The following WWOX variants were observed in gnomAD, a reference collection of about 807,000 sequenced individuals.
WWOX encodes the protein WW domain-containing oxidoreductase.
In WWOX, 69 loss-of-function variants were observed where a neutral mutation model predicts 46.2. That is an observed-to-expected ratio of 1.49 (90% CI 1.23 to 1.82). The LOEUF (loss-of-function observed/expected upper bound fraction) is 1.82. Ranked by LOEUF, WWOX falls within the 40% of genes most tolerant of loss-of-function variation. The probability of loss-of-function intolerance (pLI) is 0.00; values close to 1 mark genes in which losing one functional copy is unlikely to be tolerated. For synonymous variants in WWOX, 359 were observed against 202.6 expected (o/e 1.77, Z -6.56); for missense variants, 919 against 542.6 (o/e 1.69, Z -6.89).
At chr16:78,633,688 T>C (rs1412786420) in intron 8 of WWOX, among the ~76,000 whole-genome samples, 1 of 152,108 alleles carries the variant, frequency 6.6e-6, no homozygotes, top group Non-Finnish European at 1.5e-5. Flanking sequence ...CTGCGTGCTT[T>C]TATGCTTCGC....
At chr16:78,117,971 A>G (rs191618659) in intron 4 of WWOX, among the ~76,000 whole-genome samples, 10 of 151,794 alleles carry the variant, frequency 6.6e-5, no homozygotes, top group African/African-American at 1.9e-4. Context: ...AAAAACATAG[A>G]TATCTAATTT....
chr16:79,123,245 G>A (rs2049677190), intron 8 of WWOX, among the ~76,000 whole-genome samples: 1 of 152,156 alleles, frequency 6.6e-6, no homozygotes, highest in South Asian at 2.1e-4. Flanking sequence ...GCCTGACTCT[G>A]TCCTCGGTGG....
intron 5 of WWOX, among the ~76,000 whole-genome samples, chr16:78,199,294 C>A (rs2036155685): frequency 6.7e-6 from 1 of 150,306 alleles, no homozygotes; most frequent in Non-Finnish European, 1.5e-5. Context: ...GCCTGGGTGA[C>A]AGAGCGAGAC....
intron 5 of WWOX, among the ~76,000 whole-genome samples, chr16:78,373,082 C>T (rs1391510911): frequency 6.6e-6 from 1 of 152,158 alleles, no homozygotes; most frequent in East Asian, 1.9e-4. Context: ...TCTGCTTGCA[C>T]ACTGGACAAT....
At chr16:78,233,197 C>G (rs951352606) in intron 5 of WWOX, among the ~76,000 whole-genome samples, 2 of 152,184 alleles carry the variant, frequency 1.3e-5, no homozygotes, top group African/African-American at 4.8e-5. Context: ...GAAAAGATTA[C>G]TGACGATCAA....
At chr16:78,628,554 C>T (rs943509712) in intron 8 of WWOX, among the ~76,000 whole-genome samples, 6 of 152,040 alleles carry the variant, frequency 3.9e-5, no homozygotes, top group African/African-American at 1.4e-4. Context: ...TTTTTGTATG[C>T]CTCCCCATGC....
intron 5 of WWOX, among the ~76,000 whole-genome samples, chr16:78,258,611 G>T (rs1597410973): frequency 7.0e-6 from 1 of 143,710 alleles, no homozygotes; most frequent in Non-Finnish European, 1.5e-5. Context: ...ATGCAGCCCA[G>T]TTGTTTTTAT....
chr16:79,141,562 T>C (rs2050089251), intron 8 of WWOX, among the ~76,000 whole-genome samples: 1 of 152,254 alleles, frequency 6.6e-6, no homozygotes, highest in Admixed American at 6.5e-5. Flanking sequence ...ACCAGCTCTT[T>C]GGCTTTGTAG....
chr16:78,732,947 C>A (rs970929843), intron 8 of WWOX, among the ~76,000 whole-genome samples: 3 of 152,206 alleles, frequency 2.0e-5, no homozygotes, highest in Admixed American at 1.3e-4. Flanking sequence ...CACAGCATTA[C>A]TGAGCTCGAG....
chr16:78,716,039 T>C (rs1307050847), intron 8 of WWOX, among the ~76,000 whole-genome samples: 1 of 151,484 alleles, frequency 6.6e-6, no homozygotes, highest in Non-Finnish European at 1.5e-5. Flanking sequence ...ATAATCATTA[T>C]CATCAAGAGG....
chr16:79,044,646 C>G (rs1168050822), intron 8 of WWOX, among the ~76,000 whole-genome samples: 2 of 152,206 alleles, frequency 1.3e-5, no homozygotes, highest in Non-Finnish European at 2.9e-5. Flanking sequence ...AATTAAACCT[C>G]TTTTCTTTAT....
chr16:78,563,272 T>G (rs949208081), intron 8 of WWOX, among the ~76,000 whole-genome samples: 1 of 152,226 alleles, frequency 6.6e-6, no homozygotes, highest in Non-Finnish European at 1.5e-5. Flanking sequence ...TTCCTGTGTA[T>G]GGGGTAAGTG....
At chr16:78,921,961 G>A (rs763922488) in intron 8 of WWOX, among the ~76,000 whole-genome samples, 3 of 152,192 alleles carry the variant, frequency 2.0e-5, no homozygotes, top group Non-Finnish European at 4.4e-5. Context: ...GACAAATGGG[G>A]CAAAGTCCAA....
At chr16:78,178,543 A>G (rs1436898623) in intron 5 of WWOX, among the ~76,000 whole-genome samples, 1 of 152,168 alleles carries the variant, frequency 6.6e-6, no homozygotes, top group Non-Finnish European at 1.5e-5. Context: ...ACATCCTTTC[A>G]TACCCGGAAT....
chr16:79,081,230 C>G (rs929991376), intron 8 of WWOX, among the ~76,000 whole-genome samples: 3 of 152,148 alleles, frequency 2.0e-5, no homozygotes, highest in African/African-American at 2.4e-5. Flanking sequence ...GTGGCAGCAT[C>G]TTGGCTCACT....
intron 5 of WWOX, among the ~76,000 whole-genome samples, chr16:78,347,393 G>T (rs2081112188): frequency 8.5e-6 from 1 of 117,576 alleles, no homozygotes; most frequent in African/African-American, 2.9e-5. Context: ...CCATGGTGTT[G>T]GTCCCAGGTT....
Position 78,982,894 on chromosome 16 carries a change from T to G in WWOX, c.1057-228714T>G, listed in dbSNP as rs549707850. Among the ~76,000 whole-genome samples the G allele has an allele frequency of 1.2e-4, 18 of 152,334 alleles. No homozygotes were observed. In the South Asian group the frequency reaches 3.5e-3, roughly 30 times the overall value. ...TCATCAAATTTTGATTTCTGTGTGGTGATGTTGTGAACAGTGCCTGAAATA... is the reference window on the plus strand; with the variant it reads ...TCATCAAATTTTGATTTCTGTGTGGGGATGTTGTGAACAGTGCCTGAAATA... On this transcript the variant is annotated intron_variant, in intron 8 of 8. Coordinates refer to ENST00000566780, the MANE Select transcript of WWOX (RefSeq NM_016373.4).
chr16:78,883,275 C>T (rs59034417), intron 8 of WWOX, among the ~76,000 whole-genome samples: 6 of 152,078 alleles, frequency 3.9e-5, no homozygotes, highest in African/African-American at 1.4e-4. Flanking sequence ...GACCCTCTCT[C>T]TCATCAGTAA....
At chr16:79,025,683 C>G (rs1239410308) in intron 8 of WWOX, among the ~76,000 whole-genome samples, 3 of 152,120 alleles carry the variant, frequency 2.0e-5, no homozygotes, top group East Asian at 1.9e-4. Context: ...TTGTTTTAAG[C>G]TACCACACAG....
Sources: gnomAD v4.1 joint callset for allele counts (sites outside exome capture counted in the v4.1 genomes callset) on GRCh38, gnomAD v4.1.1 for gene constraint, MANE v1.5 for transcripts, NCBI Gene and HGNC (gene_info 2026-07-23, HGNC 2026-07-21) for gene names.